The following CFAP263 variants were observed in gnomAD, a reference collection of about 807,000 sequenced individuals.
The protein encoded by CFAP263 is cilia- and flagella-associated protein 263.
the CFAP263 span, among the ~76,000 whole-genome samples, chr16:58,265,358 T>C: frequency 6.6e-6 from 1 of 152,282 alleles, no homozygotes; most frequent in South Asian, 2.1e-4. Flanking sequence ...GAAGAGGAAG[T>C]CATAGATGTG....
chr16:58,262,554 T>G, the CFAP263 span: 4 of 1,585,050 alleles, frequency 2.5e-6, no homozygotes. Flanking sequence ...AGGCCATCCC[T>G]GATACCCAGG....
the CFAP263 span, chr16:58,249,953 T>C: frequency 4.3e-6 from 5 of 1,154,560 alleles, no homozygotes; most frequent in Non-Finnish European, 2.5e-6. Context: ...GAGTGACGCG[T>C]GGCCGCCGGC....
At chr16:58,269,549 G>T in the CFAP263 span, among the ~76,000 whole-genome samples, 1 of 152,120 alleles carries the variant, frequency 6.6e-6, no homozygotes, top group East Asian at 1.9e-4. Flanking sequence ...CTGTGGATTT[G>T]CCTATTCTGG....
the CFAP263 span, among the ~76,000 whole-genome samples, chr16:58,261,030 C>G: frequency 1.3e-5 from 2 of 152,296 alleles, no homozygotes; most frequent in Non-Finnish European, 1.5e-5. Context: ...TTTCTCTACT[C>G]TGTCTGAGCG....
chr16:58,253,319 T>C, the CFAP263 span, among the ~76,000 whole-genome samples: 1 of 151,982 alleles, frequency 6.6e-6, no homozygotes, highest in African/African-American at 2.4e-5. Context: ...AGTTTGAGGC[T>C]GCAGTGAGCT....
the CFAP263 span, chr16:58,283,651 A>G: frequency 1.3e-5 from 2 of 152,296 alleles, no homozygotes; most frequent in South Asian, 4.1e-4. Context: ...TTTGTTAAAA[A>G]GCTATATCTT....
the CFAP263 span, among the ~76,000 whole-genome samples, chr16:58,276,493 T>C: frequency 6.6e-6 from 1 of 152,216 alleles, no homozygotes; most frequent in South Asian, 2.1e-4. Flanking sequence ...TTGTGTATTG[T>C]AGGGTTTTCA....
At chr16:58,255,599 T>C in the CFAP263 span, among the ~76,000 whole-genome samples, 6 of 149,930 alleles carry the variant, frequency 4.0e-5, no homozygotes, top group Non-Finnish European at 7.4e-5. Flanking sequence ...GGATGGAGTC[T>C]TGCTCAGTTG....
At chr16:58,262,708 C>A in the CFAP263 span, among the ~76,000 whole-genome samples, 1 of 150,704 alleles carries the variant, frequency 6.6e-6, no homozygotes, top group African/African-American at 2.4e-5. Context: ...CCTGGCTGTG[C>A]ATGAGAACCA....
At chr16:58,262,402 G>A in the CFAP263 span, 1 of 1,611,824 alleles carries the variant, frequency 6.2e-7, no homozygotes, top group Non-Finnish European at 8.5e-7. Context: ...AGGTGAGTGA[G>A]GCCCTTCACG....
chr16:58,252,684 A>G, the CFAP263 span: 4 of 1,590,444 alleles, frequency 2.5e-6, no homozygotes, highest in Non-Finnish European at 3.4e-6. Context: ...TTTGAGGTTT[A>G]AACTCTTATT....
the CFAP263 span, chr16:58,278,537 TC>T: frequency 6.2e-7 from 1 of 1,614,042 alleles, no homozygotes; most frequent in African/African-American, 1.3e-5. Flanking sequence ...CTGGCCGAGT[TC>T]CGGGCACCAC....
the CFAP263 span, among the ~76,000 whole-genome samples, chr16:58,272,991 T>G: frequency 3.9e-5 from 6 of 152,214 alleles, no homozygotes; most frequent in African/African-American, 1.4e-4. Flanking sequence ...TGGCAGGTTT[T>G]TTTTCTTTTC....
chr16:58,260,965 A>G, the CFAP263 span, among the ~76,000 whole-genome samples: 3 of 152,154 alleles, frequency 2.0e-5, no homozygotes, highest in African/African-American at 7.2e-5. Context: ...TGGTGATGCT[A>G]TGGCCTAGGC....
the CFAP263 span, among the ~76,000 whole-genome samples, chr16:58,253,175 C>T: frequency 2.6e-5 from 4 of 152,060 alleles, no homozygotes; most frequent in South Asian, 4.2e-4. Context: ...ACCAGGAGTT[C>T]GAGACCTTCC....
the CFAP263 span, among the ~76,000 whole-genome samples, chr16:58,269,524 A>G: frequency 1.3e-5 from 2 of 152,110 alleles, no homozygotes; most frequent in Non-Finnish European, 2.9e-5. Context: ...GCAGCCACTA[A>G]TCTACTTTCT....
At chr16:58,260,147 A>G in the CFAP263 span, among the ~76,000 whole-genome samples, 1 of 152,224 alleles carries the variant, frequency 6.6e-6, no homozygotes, top group South Asian at 2.1e-4. Context: ...TGGGCCCTAT[A>G]TAATCTCCCT....
the CFAP263 span, chr16:58,258,463 A>G: frequency 6.2e-7 from 1 of 1,614,090 alleles, no homozygotes; most frequent in Admixed American, 1.7e-5. Context: ...CCAAGAAGAA[A>G]GGGAGTATTT....
the CFAP263 span, among the ~76,000 whole-genome samples, chr16:58,251,567 C>G: frequency 2.0e-5 from 3 of 151,966 alleles, no homozygotes; most frequent in Non-Finnish European, 4.4e-5. Flanking sequence ...AATTCTTGTA[C>G]TTTTAGTAGA....
Sources: allele counts gnomAD v4.1 joint callset (sites outside exome capture counted in the v4.1 genomes callset), GRCh38; gene constraint gnomAD v4.1.1; transcripts MANE v1.5; gene names NCBI Gene and HGNC (gene_info 2026-07-23, HGNC 2026-07-21).